Variants in DERA observed in about 807,000 individuals in gnomAD.
DERA encodes the protein deoxyribose-phosphate aldolase, also known as 2-deoxy-D-ribose 5-phosphate aldolase.
A neutral mutation model predicts 41.1 loss-of-function variants in DERA; 15 were observed. That is an observed-to-expected ratio of 0.37 (90% CI 0.24 to 0.56). The LOEUF is 0.56. Among genes scored for constraint, DERA ranks in the 20% least tolerant of loss-of-function variants. The pLI is 0.81. For missense variants in DERA, 396 were observed against 403.4 expected, an observed-to-expected ratio of 0.98 and a Z score of 0.16; for synonymous variants, 139 against 137.4, an observed-to-expected ratio of 1.01 and a Z score of -0.08.
intron 1 of DERA, among the ~76,000 whole-genome samples, chr12:15,920,008 GAGAGAA>G (rs1948230282): frequency 1.3e-5 from 2 of 151,858 alleles, no homozygotes; most frequent in Non-Finnish European, 2.9e-5. Flanking sequence ...GTGTGTGTGA[GAGAGAA>G]AGAGAGAGAG....
At chr12:15,960,128 C>G (rs1183479402) in intron 4 of DERA, among the ~76,000 whole-genome samples, 1 of 150,942 alleles carries the variant, frequency 6.6e-6, no homozygotes, top group Non-Finnish European at 1.5e-5. Context: ...GTATTCCTAT[C>G]CTTAAAGAAA....
Position 15,993,494 on chromosome 12 carries a change from T to TAA in DERA, c.637+11058_637+11059insAA, listed in dbSNP as rs1565608046. 6.7e-6 allele frequency among the ~76,000 whole-genome samples: 1 copy of TAA among 148,906 alleles called. No homozygotes were observed. The highest frequency in any genetic ancestry group is 2.6e-5 in the African/African-American group (1 of 39,040). Reference sequence around the variant, plus strand: ...GGTGTTGTGGCCTTTTTTTTTTTTTTTAAAAAAAATAAGATCTTGCCTTTC... The same window carrying TAA: ...GGTGTTGTGGCCTTTTTTTTTTTTTTAATAAAAAAAATAAGATCTTGCCTTTC... On this transcript the variant is annotated intron_variant, in intron 6 of 8. Coordinates refer to ENST00000428559, the MANE Select transcript of DERA (RefSeq NM_015954.4). This position sits in a 1 kb window ranked among gnomAD's most constrained non-coding sequence, Gnocchi z 4.4.
Position 15,921,875 on chromosome 12 carries a change from G to A in DERA, c.31+10461G>A, listed in dbSNP as rs941848888. Among the ~76,000 whole-genome samples, 15 of 152,070 alleles carry A rather than the reference G, an allele frequency of 9.9e-5. No homozygotes were observed. Among genetic ancestry groups the A allele is most frequent in the Non-Finnish European group, 2.2e-4 (15 of 68,026 alleles). Reference sequence around the variant, plus strand: ...CAGGAGGCAGAGGTTGCAGTGAGCCGAGATCACGCCATTGCACTCCAGCCT... The same window carrying A: ...CAGGAGGCAGAGGTTGCAGTGAGCCAAGATCACGCCATTGCACTCCAGCCT... On this transcript the variant is annotated intron_variant, in intron 1 of 8. Coordinates refer to ENST00000428559, the MANE Select transcript of DERA (RefSeq NM_015954.4). The surrounding 1 kb of genome is among the most constrained non-coding windows in gnomAD (Gnocchi z 5.3).
chr12:15,959,884 A>G lies in DERA; in HGVS notation c.333A>G (p.Lys111=), dbSNP rs1469322237. ...VYPARVCDAV[K]ALKAAGCNIP... Reference sequence around the variant, plus strand: ...CCGCCCGGGTGTGTGATGCTGTAAAAGCACTCAAGGCTGCAGGCTGTAATA... The same window carrying G: ...CCGCCCGGGTGTGTGATGCTGTAAAGGCACTCAAGGCTGCAGGCTGTAATA... Residue 111 remains lysine (K), a synonymous_variant, in exon 4 of 9, where the codon AAA becomes AAG. Coordinates refer to ENST00000428559, the MANE Select transcript of DERA (RefSeq NM_015954.4). This position sits in a 1 kb window ranked among gnomAD's most constrained non-coding sequence, Gnocchi z 4.5. The G allele has an allele frequency of 6.4e-7, 1 of 1,551,598 alleles. No individual in the cohort carries two copies. The highest frequency in any genetic ancestry group is 1.9e-5 in the Admixed American group (1 of 51,390).
At position 16,017,132 on chromosome 12, in the gene DERA, G is replaced by C. The variant is rs1485105218; in HGVS notation, c.638-15410G>C. On this transcript the variant is annotated intron_variant, in intron 6 of 8. Coordinates refer to ENST00000428559, the MANE Select transcript of DERA (RefSeq NM_015954.4). The surrounding 1 kb of genome is among the most constrained non-coding windows in gnomAD (Gnocchi z 5.5). ...CATACTGTTTTGCATTATTTTAAAT[G>C]GTTGCAACTTTATTTTTATTGAGGG... Among the ~76,000 whole-genome samples, 1 of 152,074 alleles carries C rather than the reference G, an allele frequency of 6.6e-6. No individual in the cohort carries two copies. The highest frequency in any genetic ancestry group is 1.5e-5 in the Non-Finnish European group (1 of 68,034).
chr12:16,017,610 T>C lies in DERA; in HGVS notation c.638-14932T>C, dbSNP rs1184682644. Among the ~76,000 whole-genome samples the C allele has an allele frequency of 6.6e-6, 1 of 152,214 alleles. No individual in the cohort carries two copies. Among genetic ancestry groups the C allele is most frequent in the African/African-American group, 2.4e-5 (1 of 41,456 alleles). On this transcript the variant is annotated intron_variant, in intron 6 of 8. Coordinates refer to ENST00000428559, the MANE Select transcript of DERA (RefSeq NM_015954.4). This position sits in a 1 kb window ranked among gnomAD's most constrained non-coding sequence, Gnocchi z 5.5. ...CAACCGTAACACTGCATCTTTATTA[T>C]ATTGCCCTAAGTGATTTCCAAACCT...
chr12:15,973,598 T>A (rs943526221), intron 5 of DERA, among the ~76,000 whole-genome samples: 2 of 152,178 alleles, frequency 1.3e-5, no homozygotes, highest in Non-Finnish European at 2.9e-5. Flanking sequence ...ATAAGGACAT[T>A]TACTGAAGTA....
chr12:15,960,843 C>G (rs1049877727), intron 4 of DERA, among the ~76,000 whole-genome samples: 1 of 152,042 alleles, frequency 6.6e-6, no homozygotes, highest in African/African-American at 2.4e-5. Context: ...GACAGAGGCA[C>G]TAGCACGTGT....
At position 15,918,411 on chromosome 12, in the gene DERA, T is replaced by G. The variant is rs1479161661; in HGVS notation, c.31+6997T>G. 6.6e-6 allele frequency among the ~76,000 whole-genome samples: 1 copy of G among 152,140 alleles called. No individual in the cohort carries two copies. The highest frequency in any genetic ancestry group is 1.5e-5 in the Non-Finnish European group (1 of 68,026). Reference sequence around the variant, plus strand: ...TCTGATTGGACTCTGGGCTACCCCATTCTGTTTGGCCCACTCTGGGCCATA... The same window carrying G: ...TCTGATTGGACTCTGGGCTACCCCAGTCTGTTTGGCCCACTCTGGGCCATA... On this transcript the variant is annotated intron_variant, in intron 1 of 8. Transcript: ENST00000428559. The surrounding 1 kb of genome is among the most constrained non-coding windows in gnomAD (Gnocchi z 4.3).
intron 1 of DERA, among the ~76,000 whole-genome samples, chr12:15,939,861 A>G (rs904713643): frequency 1.3e-5 from 2 of 152,180 alleles, no homozygotes; most frequent in East Asian, 3.8e-4. Flanking sequence ...CTTTTTCACA[A>G]AGATCAGATC....
intron 1 of DERA, among the ~76,000 whole-genome samples, chr12:15,945,765 T>C (rs1948442715): frequency 6.6e-6 from 1 of 152,208 alleles, no homozygotes; most frequent in South Asian, 2.1e-4. Flanking sequence ...AACACTATGT[T>C]GAATAGGAGT....
At chr12:15,933,967 G>A (rs1948347467) in intron 1 of DERA, among the ~76,000 whole-genome samples, 1 of 152,090 alleles carries the variant, frequency 6.6e-6, no homozygotes, top group Non-Finnish European at 1.5e-5. Flanking sequence ...TTTTGTCAGT[G>A]ATTGCCTTCT....
At position 16,035,306 on chromosome 12, in the gene DERA, G is replaced by T. The variant is rs1949119890; in HGVS notation, c.751-926G>T. ...TAATGTCTCCCTTCTCTAGCATTCTGTTAGCAGTCATCTGCTGGTGCAACC... is the reference window on the plus strand; with the variant it reads ...TAATGTCTCCCTTCTCTAGCATTCTTTTAGCAGTCATCTGCTGGTGCAACC... On this transcript the variant is annotated intron_variant, in intron 7 of 8. Coordinates refer to ENST00000428559, the MANE Select transcript of DERA (RefSeq NM_015954.4). The surrounding 1 kb of genome is among the most constrained non-coding windows in gnomAD (Gnocchi z 4.1). Among the ~76,000 whole-genome samples the T allele has an allele frequency of 6.6e-6, 1 of 152,156 alleles. No homozygotes were observed. Among genetic ancestry groups the T allele is most frequent in the Non-Finnish European group, 1.5e-5 (1 of 68,028 alleles).
At chr12:15,974,583 T>G (rs927543615) in intron 5 of DERA, among the ~76,000 whole-genome samples, 1 of 152,200 alleles carries the variant, frequency 6.6e-6, no homozygotes, top group Non-Finnish European at 1.5e-5. Context: ...ATGATGTTCC[T>G]TTTTTTACTT....
In DERA at chr12:15,944,539, G is replaced by T. The variant is rs527267921; in HGVS notation, c.32-12397G>T. Among the ~76,000 whole-genome samples the T allele has an allele frequency of 1.6e-4, 24 of 152,300 alleles. No individual in the cohort carries two copies. The East Asian group carries it at 4.6e-3, about 29-fold the overall frequency. On this transcript the variant is annotated intron_variant, in intron 1 of 8. Coordinates refer to ENST00000428559, the MANE Select transcript of DERA (RefSeq NM_015954.4). ...GCATAAATGTCTTCTTTTGAGAAGT[G>T]TCTGTTCATATCCTTCGCCCACTTT...
intron 6 of DERA, among the ~76,000 whole-genome samples, chr12:16,018,555 C>A (rs1052321109): frequency 2.6e-5 from 4 of 152,168 alleles, no homozygotes; most frequent in Admixed American, 2.0e-4. Flanking sequence ...TGTGGTTAAT[C>A]TATTAGAATT....
In DERA at chr12:15,959,008, G is replaced by C. The variant is rs1948562975; in HGVS notation, c.277+673G>C. Among the ~76,000 whole-genome samples, 1 of 152,180 alleles carries C rather than the reference G, an allele frequency of 6.6e-6. No individual in the cohort carries two copies. The highest frequency in any genetic ancestry group is 2.4e-5 in the African/African-American group (1 of 41,444). On this transcript the variant is annotated intron_variant, in intron 3 of 8. Transcript: ENST00000428559. This position sits in a 1 kb window ranked among gnomAD's most constrained non-coding sequence, Gnocchi z 4.5. The stretch of plus-strand genomic sequence containing the variant: ...CTTGCTGGGCTGGTTTTGGGAGCCA[G>C]GTCTCCTTCCCATGGAGTATGCTTC...
intron 6 of DERA, among the ~76,000 whole-genome samples, chr12:16,007,182 T>C (rs546053397): frequency 2.0e-5 from 3 of 148,322 alleles, no homozygotes; most frequent in East Asian, 3.9e-4. Context: ...TTTGTTTTTT[T>C]TTTTTTGTTT....
Position 15,956,975 on chromosome 12 carries a change from C to T in DERA, c.71C>T (p.Ala24Val), listed in dbSNP as rs766572270. 4.3e-6 allele frequency: 7 copies of T among 1,613,912 alleles called. No individual in the cohort carries two copies. In the South Asian group the frequency reaches 5.5e-5, roughly 13 times the overall value. Residue 24 changes from alanine to valine, a missense_variant, in exon 2 of 9, where the codon GCA becomes GTA. Ala to Val is a moderately conservative substitution (Grantham distance 64). Coordinates refer to ENST00000428559, the MANE Select transcript of DERA (RefSeq NM_015954.4). ...TCCAAAATACAAGTGAATCACCCGG[C>T]AGTTCTGAGGCGTGCGGAACAAATC... is the stretch of plus-strand genomic sequence containing the variant. ...WISKIQVNHP[A>V]VLRRAEQIQA...
Sources: gnomAD v4.1 joint callset for allele counts (sites outside exome capture counted in the v4.1 genomes callset) on GRCh38, gnomAD v4.1.1 for gene constraint, Gnocchi (gnomAD v3.1) non-coding constraint, MANE v1.5 for transcripts, NCBI Gene and HGNC (gene_info 2026-07-23, HGNC 2026-07-21) for gene names.